The following TRPC5 variants were observed in gnomAD, a reference collection of about 807,000 sequenced individuals.
The protein encoded by TRPC5 is transient receptor potential cation channel subfamily C member 5.
TRPC5 carries 9 observed loss-of-function variants against 56.5 expected under a neutral mutation model. That is an observed-to-expected ratio of 0.16 (90% CI 0.10 to 0.28). The LOEUF is 0.28. TRPC5 is among the 10% of genes least tolerant of loss of function. The pLI is 1.00. For synonymous variants in TRPC5, 282 were observed against 278.5 expected (o/e 1.01, Z -0.13); for missense variants, 469 against 748.9 (o/e 0.63, Z 4.36).
chrX:111,799,077 G>C (rs773689743), intron 7 of TRPC5, among the ~76,000 whole-genome samples: 2 of 111,093 alleles, frequency 1.8e-5, no homozygotes, highest in East Asian at 5.7e-4. Context: ...CTGTTCTTGG[G>C]GGGGAAATGC....
intron 1 of TRPC5, among the ~76,000 whole-genome samples, chrX:111,984,574 C>G (rs1928164658): frequency 8.9e-6 from 1 of 111,894 alleles, no homozygotes; most frequent in African/African-American, 3.2e-5. Context: ...CCTTGAACTT[C>G]TGTCAGATTT....
chrX:112,066,234 A>G (rs994134443), intron 1 of TRPC5, among the ~76,000 whole-genome samples: 1 of 110,514 alleles, frequency 9.0e-6, no homozygotes, highest in Non-Finnish European at 1.9e-5. Flanking sequence ...TTCTGCACAT[A>G]CATTGAAAAT....
At chrX:112,044,214 G>A (rs1003922164) in intron 1 of TRPC5, among the ~76,000 whole-genome samples, 3 of 111,561 alleles carry the variant, frequency 2.7e-5, no homozygotes, top group African/African-American at 3.3e-5. Context: ...TTGTGTATCT[G>A]AATTACATGA....
Position 111,906,584 on chromosome X carries a change from T to C in TRPC5, c.900+5707A>G, listed in dbSNP as rs184949716. 1.1e-3 allele frequency among the ~76,000 whole-genome samples: 122 copies of C among 111,467 alleles called. 1 individual carries two copies. The highest frequency in any genetic ancestry group is 3.9e-3 in the African/African-American group (119 of 30,742). On this transcript the variant is annotated intron_variant, in intron 3 of 10. Transcript: ENST00000262839. ...TGGAAATCAGCTCTGTTGCAGCACA[T>C]TTTATGAAGAAAAAAAATGTTCTGT...
chrX:112,007,357 A>G (rs1928870095), intron 1 of TRPC5, among the ~76,000 whole-genome samples: 1 of 112,226 alleles, frequency 8.9e-6, no homozygotes, highest in Admixed American at 9.4e-5. Context: ...CTTAAGTGAC[A>G]TGGTCTCTTG....
Position 111,947,485 on chromosome X carries a change from C to T in TRPC5, c.378+4558G>A, listed in dbSNP as rs775500124. ...CTGAGTAGCTGGAATTACAGGCCTG[C>T]ACTACCACATCCAGCTAATTTTTGT... On this transcript the variant is annotated intron_variant, in intron 2 of 10. Coordinates refer to ENST00000262839, the MANE Select transcript of TRPC5 (RefSeq NM_012471.3). 3.9e-3 allele frequency among the ~76,000 whole-genome samples: 438 copies of T among 110,962 alleles called. 2 individuals carry two copies. The highest frequency in any genetic ancestry group is 0.023 in the Middle Eastern group (5 of 216).
intron 3 of TRPC5, 30 bp downstream of exon 3, chrX:111,912,261 T>C (rs947752527): frequency 5.2e-5 from 60 of 1,160,247 alleles, no homozygotes; most frequent in Non-Finnish European, 6.0e-5. Flanking sequence ...GCTTTAAGCT[T>C]CCCTGAAAGC....
chrX:111,999,092 T>C (rs915495022), intron 1 of TRPC5, among the ~76,000 whole-genome samples: 4 of 110,948 alleles, frequency 3.6e-5, no homozygotes, highest in African/African-American at 6.6e-5. Context: ...CTCCCTCCCC[T>C]TGTGCCCCAA....
chrX:111,858,906 G>A (rs765026719), intron 3 of TRPC5, among the ~76,000 whole-genome samples: 1 of 111,601 alleles, frequency 9.0e-6, no homozygotes, highest in South Asian at 3.8e-4. Context: ...GGAACTTAAA[G>A]TGGCGGTGTT....
intron 1 of TRPC5, among the ~76,000 whole-genome samples, chrX:112,074,313 A>T (rs978502756): frequency 9.3e-5 from 10 of 107,102 alleles, no homozygotes; most frequent in African/African-American, 3.4e-4. Context: ...ATATATATAT[A>T]TATTTTTTAT....
chrX:111,786,173 G>A (rs1945962132), intron 7 of TRPC5, among the ~76,000 whole-genome samples: 1 of 111,367 alleles, frequency 9.0e-6, no homozygotes, highest in Non-Finnish European at 1.9e-5. Context: ...GAGGAAGGTC[G>A]AGTTACCCAC....
At chrX:111,797,328 G>C (rs1409896798) in intron 7 of TRPC5, among the ~76,000 whole-genome samples, 2 of 111,989 alleles carry the variant, frequency 1.8e-5, no homozygotes, top group South Asian at 7.4e-4. Context: ...ATTTTCAAAG[G>C]AAACTGCACA....
At position 111,770,312 on chromosome X, in the gene TRPC5, A is replaced by G. The variant is rs1003747897; in HGVS notation, c.*6001T>C. 1.8e-5 allele frequency among the ~76,000 whole-genome samples: 2 copies of G among 111,594 alleles called. No homozygotes were observed. Among genetic ancestry groups the G allele is most frequent in the Non-Finnish European group, 3.8e-5 (2 of 53,098 alleles). ...GAAAGCCCATCTGTGATATTGCATT[A>G]TGGGTGTGGTGTGTTGAACTTATAT... On this transcript the variant is annotated 3_prime_UTR_variant, in exon 11 of 11. Coordinates refer to ENST00000262839, the MANE Select transcript of TRPC5 (RefSeq NM_012471.3).
chrX:112,070,757 C>T (rs778352417), intron 1 of TRPC5, among the ~76,000 whole-genome samples: 12 of 106,282 alleles, frequency 1.1e-4, no homozygotes, highest in African/African-American at 2.6e-4. Context: ...CTGCCCCCCC[C>T]CAAAGTTACT....
chrX:112,051,775 T>G (rs1294907479), intron 1 of TRPC5, among the ~76,000 whole-genome samples: 2 of 111,731 alleles, frequency 1.8e-5, no homozygotes, highest in Non-Finnish European at 3.8e-5. Context: ...TTAAACAACC[T>G]CCCATTTCCC....
intron 2 of TRPC5, among the ~76,000 whole-genome samples, chrX:111,937,164 G>A (rs1416182369): frequency 1.1e-3 from 117 of 106,192 alleles, no homozygotes; most frequent in Non-Finnish European, 2.1e-3. Context: ...GTCTGTTCAT[G>A]TCCTTCGCCC....
chrX:112,032,758 A>C (rs1929620382), intron 1 of TRPC5, among the ~76,000 whole-genome samples: 1 of 112,074 alleles, frequency 8.9e-6, no homozygotes, highest in African/African-American at 3.2e-5. Context: ...AAGAGTTCCA[A>C]TTTTTGTACA....
intron 7 of TRPC5, among the ~76,000 whole-genome samples, chrX:111,822,181 CTTG>C (rs1242320043): frequency 9.0e-6 from 1 of 111,529 alleles, no homozygotes; most frequent in Non-Finnish European, 1.9e-5. Flanking sequence ...ATCTCTTTTT[CTTG>C]TTGTTGTCCC....
chrX:111,792,193 AAACT>A (rs1420562419), intron 7 of TRPC5, among the ~76,000 whole-genome samples: 1 of 111,624 alleles, frequency 9.0e-6, no homozygotes, highest in East Asian at 2.8e-4. Flanking sequence ...CATTCTCAGC[AAACT>A]AACACAGGAA....
Sources: gnomAD v4.1 joint callset for allele counts (sites outside exome capture counted in the v4.1 genomes callset) on GRCh38, gnomAD v4.1.1 for gene constraint, MANE v1.5 for transcripts, NCBI Gene and HGNC (gene_info 2026-07-23, HGNC 2026-07-21) for gene names.